TAFA2: variants seen among roughly 807,000 people sequenced by gnomAD.
The protein encoded by TAFA2 is chemokine-like protein TAFA-2.
Under a neutral mutation model 18.8 loss-of-function variants are expected in TAFA2, and 7 were observed. That is an observed-to-expected ratio of 0.37 (90% CI 0.21 to 0.70). The LOEUF is 0.70. Among genes scored for constraint, TAFA2 ranks in the 30% least tolerant of loss-of-function variants. The probability of loss-of-function intolerance (pLI) is 0.53; values close to 1 mark genes in which losing one functional copy is unlikely to be tolerated. For synonymous variants in TAFA2, 60 were observed against 54.2 expected (o/e 1.11, Z -0.47); for missense variants, 122 against 158.1 (o/e 0.77, Z 1.23).
At chr12:61,717,207 A>G (rs1869700090) in intron 4 of TAFA2, among the ~76,000 whole-genome samples, 1 of 152,220 alleles carries the variant, frequency 6.6e-6, no homozygotes, top group African/African-American at 2.4e-5. Flanking sequence ...TCGTAACTAT[A>G]TGTGAATGCA....
chr12:62,201,429 G>A (rs1211026945), intron 1 of TAFA2, among the ~76,000 whole-genome samples: 1 of 152,146 alleles, frequency 6.6e-6, no homozygotes. Context: ...CTAGTATATT[G>A]AGAGTTTTTA....
At chr12:61,745,819 T>A (rs541084785) in intron 4 of TAFA2, among the ~76,000 whole-genome samples, 1 of 152,026 alleles carries the variant, frequency 6.6e-6, no homozygotes, top group East Asian at 1.9e-4. Flanking sequence ...CACAATGTAA[T>A]CATCTGTACC....
intron 1 of TAFA2, among the ~76,000 whole-genome samples, chr12:61,898,365 C>T (rs548804522): frequency 1.3e-5 from 2 of 152,330 alleles, no homozygotes; most frequent in South Asian, 4.1e-4. Context: ...GGGCTCCAAC[C>T]CCACATTTCC....
intron 1 of TAFA2, among the ~76,000 whole-genome samples, chr12:62,004,279 G>T (rs1230331915): frequency 1.3e-5 from 2 of 152,120 alleles, no homozygotes; most frequent in Admixed American, 6.6e-5. Context: ...TTTAAGAAAT[G>T]AGGTATTTGT....
At position 61,709,726 on chromosome 12, in the gene TAFA2, G is replaced by A. The variant is rs1275338449; in HGVS notation, c.*680C>T. On this transcript the variant is annotated 3_prime_UTR_variant, in exon 5 of 5. Coordinates refer to ENST00000416284, the MANE Select transcript of TAFA2 (RefSeq NM_178539.5). ...TGACAAAGAGCTTCAGCAGGGTGTTGTTAGCCTTAGGGAAATATGTCAGCT... is the reference window on the plus strand; with the variant it reads ...TGACAAAGAGCTTCAGCAGGGTGTTATTAGCCTTAGGGAAATATGTCAGCT... 1 of 152,078 alleles carries A rather than the reference G, an allele frequency of 6.6e-6. No individual in the cohort carries two copies. Among genetic ancestry groups the A allele is most frequent in the African/African-American group, 2.4e-5 (1 of 41,424 alleles). 9.4% of individuals were successfully genotyped at this position (152,078 alleles called of 1,614,324 possible). A position where few individuals can be genotyped will look rare whatever the true frequency, so the allele number is the denominator to read the frequency against.
intron 1 of TAFA2, among the ~76,000 whole-genome samples, chr12:61,909,658 A>G (rs1266608270): frequency 1.3e-5 from 2 of 152,230 alleles, no homozygotes; most frequent in African/African-American, 4.8e-5. Context: ...AGTAAAGAGC[A>G]CTAAAGGGAT....
intron 2 of TAFA2, among the ~76,000 whole-genome samples, chr12:61,822,566 C>G (rs887917676): frequency 6.6e-6 from 1 of 152,116 alleles, no homozygotes; most frequent in African/African-American, 2.4e-5. Flanking sequence ...GTGCACCTTC[C>G]TGGTGTTAAA....
At chr12:61,845,610 T>G (rs1425209830) in intron 2 of TAFA2, among the ~76,000 whole-genome samples, 1 of 152,196 alleles carries the variant, frequency 6.6e-6, no homozygotes, top group African/African-American at 2.4e-5. Context: ...AAGTTCAGAT[T>G]TGAGACATTT....
chr12:62,175,852 A>G (rs2062508981), intron 1 of TAFA2, among the ~76,000 whole-genome samples: 1 of 136,218 alleles, frequency 7.3e-6, no homozygotes. Context: ...TGAATTAAGT[A>G]TACAAAGAAC....
intron 1 of TAFA2, among the ~76,000 whole-genome samples, chr12:62,241,440 A>T (rs950613672): frequency 2.0e-5 from 3 of 152,238 alleles, no homozygotes; most frequent in African/African-American, 4.8e-5. Flanking sequence ...CTTACCAGGC[A>T]AATGATGGCT....
chr12:62,002,796 T>C (rs1880421645), intron 1 of TAFA2, among the ~76,000 whole-genome samples: 1 of 152,228 alleles, frequency 6.6e-6, no homozygotes, highest in Admixed American at 6.5e-5. Flanking sequence ...CTTCATTTTG[T>C]TGTTACCTAT....
chr12:62,076,730 C>G (rs974281941), intron 1 of TAFA2, among the ~76,000 whole-genome samples: 2 of 152,102 alleles, frequency 1.3e-5, no homozygotes, highest in Non-Finnish European at 2.9e-5. Flanking sequence ...ACAGAATTAC[C>G]CAACAGTTCT....
At chr12:61,844,566 T>C (rs537808773) in intron 2 of TAFA2, among the ~76,000 whole-genome samples, 75 of 152,206 alleles carry the variant, frequency 4.9e-4, no homozygotes, top group Admixed American at 2.3e-3. Context: ...GAATTAGGTT[T>C]TAAAGCTCAT....
intron 1 of TAFA2, among the ~76,000 whole-genome samples, chr12:61,997,970 T>C (rs1880255533): frequency 6.6e-6 from 1 of 152,162 alleles, no homozygotes. Flanking sequence ...CACCTATTTT[T>C]AAGAAAATAA....
At chr12:62,212,934 C>T (rs776490290) in intron 1 of TAFA2, among the ~76,000 whole-genome samples, 1 of 152,102 alleles carries the variant, frequency 6.6e-6, no homozygotes, top group Non-Finnish European at 1.5e-5. Context: ...TATTAGAGTG[C>T]TTAAAGATGC....
chr12:61,917,206 T>A (rs1055124952), intron 1 of TAFA2, among the ~76,000 whole-genome samples: 2 of 152,180 alleles, frequency 1.3e-5, no homozygotes, highest in African/African-American at 4.8e-5. Context: ...ACTTTTTTTG[T>A]TTTTTAAAGG....
At chr12:62,066,301 T>C (rs1055553968) in intron 1 of TAFA2, among the ~76,000 whole-genome samples, 1 of 151,932 alleles carries the variant, frequency 6.6e-6, no homozygotes, top group African/African-American at 2.4e-5. Context: ...ATTATACTCT[T>C]TTAGTTATTC....
chr12:61,994,856 T>A (rs1402006448), intron 1 of TAFA2, among the ~76,000 whole-genome samples: 3 of 152,180 alleles, frequency 2.0e-5, no homozygotes, highest in Admixed American at 6.5e-5. Context: ...TTATTTAGGG[T>A]TTGAGCCTGG....
chr12:62,021,680 G>A, intron 1 of TAFA2: 2 of 1,437,904 alleles, frequency 1.4e-6, no homozygotes, highest in East Asian at 4.6e-5. Context: ...TGCTCACGTG[G>A]TCAGGCAGGG....
Sources: allele counts gnomAD v4.1 joint callset (sites outside exome capture counted in the v4.1 genomes callset), GRCh38; gene constraint gnomAD v4.1.1; transcripts MANE v1.5; gene names NCBI Gene and HGNC (gene_info 2026-07-23, HGNC 2026-07-21).